The following CTNNA2 variants were observed in gnomAD, a reference collection of about 807,000 sequenced individuals.
The protein encoded by CTNNA2 is catenin alpha-2.
In CTNNA2, 42 loss-of-function variants were observed where a neutral mutation model predicts 101.0. The ratio of observed to expected loss-of-function variants is 0.42; its 90% confidence interval spans 0.32 to 0.54. CTNNA2 has a LOEUF of 0.54. CTNNA2 is among the 20% of genes least tolerant of loss of function. CTNNA2 has a pLI of 0.14. For synonymous variants in CTNNA2, 450 were observed against 456.4 expected, an observed-to-expected ratio of 0.99 and a Z score of 0.18; for missense variants, 871 against 1,223.1, an observed-to-expected ratio of 0.71 and a Z score of 4.29.
At chr2:79,785,828 A>G (rs1380018756) in intron 3 of CTNNA2, among the ~76,000 whole-genome samples, 1 of 152,196 alleles carries the variant, frequency 6.6e-6, no homozygotes, top group Non-Finnish European at 1.5e-5. Flanking sequence ...AGTACTTACT[A>G]GATCCTATGA....
intron 17 of CTNNA2, among the ~76,000 whole-genome samples, chr2:80,610,415 T>A (rs62151985): frequency 0.014 from 2,052 of 151,804 alleles, 18 homozygotes; most frequent in Non-Finnish European, 0.023. Flanking sequence ...TTACACCCAT[T>A]TATTCTGTCA....
At chr2:80,254,059 T>C (rs1292014295) in intron 7 of CTNNA2, among the ~76,000 whole-genome samples, 2 of 152,158 alleles carry the variant, frequency 1.3e-5, no homozygotes, top group African/African-American at 4.8e-5. Context: ...TGAATTCAAA[T>C]CCTAGGCCTC....
At chr2:79,420,427 AG>A in intron 4 of CTNNA2, among the ~76,000 whole-genome samples, 1 of 152,314 alleles carries the variant, frequency 6.6e-6, no homozygotes, top group Non-Finnish European at 1.5e-5. Context: ...ATATAATAAA[AG>A]GCAAAACAAC....
intron 1 of CTNNA2, among the ~76,000 whole-genome samples, chr2:79,571,133 T>C (rs1400921460): frequency 2.0e-5 from 3 of 152,218 alleles, no homozygotes; most frequent in Non-Finnish European, 2.9e-5. Context: ...TTATGCATCA[T>C]AGTATGCTAC....
At chr2:79,880,289 G>T (rs1203048424) in intron 6 of CTNNA2, among the ~76,000 whole-genome samples, 1 of 151,914 alleles carries the variant, frequency 6.6e-6, no homozygotes, top group African/African-American at 2.4e-5. Context: ...CTTTTTTATT[G>T]CATCTCTTCT....
intron 7 of CTNNA2, among the ~76,000 whole-genome samples, chr2:79,958,514 G>C: frequency 6.6e-6 from 1 of 152,140 alleles, no homozygotes; most frequent in East Asian, 1.9e-4. Flanking sequence ...CTTGAAGATG[G>C]AGGAAGGGAC....
chr2:79,651,533 A>C lies in CTNNA2; in HGVS notation c.-5-19A>C. The C allele has an allele frequency of 3.8e-6, 6 of 1,596,048 alleles. No homozygotes were observed. The highest frequency in any genetic ancestry group is 5.2e-6 in the Non-Finnish European group (6 of 1,163,976). ...TTTCAAAGATGATTATTTCTAACTG[A>C]TTACATGTGTTCCCATAGGGAGCAT... On this transcript the variant is annotated intron_variant, in intron 1 of 18. Coordinates refer to ENST00000402739, the MANE Select transcript of CTNNA2 (RefSeq NM_001282597.3).
chr2:80,641,842 T>A (rs1031256652), intron 18 of CTNNA2, among the ~76,000 whole-genome samples: 1 of 152,142 alleles, frequency 6.6e-6, no homozygotes, highest in African/African-American at 2.4e-5. Context: ...AATTTTTTGG[T>A]AAATTTATTG....
At chr2:79,865,871 C>A (rs1405086256) in intron 4 of CTNNA2, among the ~76,000 whole-genome samples, 2 of 152,210 alleles carry the variant, frequency 1.3e-5, no homozygotes, top group Non-Finnish European at 2.9e-5. Flanking sequence ...AGGCACCCAC[C>A]ACCACGCCTG....
At chr2:79,934,725 G>A (rs1305204655) in intron 7 of CTNNA2, among the ~76,000 whole-genome samples, 1 of 152,206 alleles carries the variant, frequency 6.6e-6, no homozygotes, top group African/African-American at 2.4e-5. Context: ...GGGGAACAAG[G>A]TGAGCTCTTC....
chr2:80,125,992 A>G (rs911485231), intron 7 of CTNNA2, among the ~76,000 whole-genome samples: 2 of 152,184 alleles, frequency 1.3e-5, no homozygotes, highest in African/African-American at 2.4e-5. Flanking sequence ...GCTTAGTACT[A>G]TAACTCGCAC....
intron 1 of CTNNA2, among the ~76,000 whole-genome samples, chr2:79,559,303 G>A (rs1256794843): frequency 1.3e-5 from 2 of 151,880 alleles, no homozygotes; most frequent in Admixed American, 6.6e-5. Flanking sequence ...TCACTTGGGA[G>A]CTTTTCAGTA....
intron 3 of CTNNA2, among the ~76,000 whole-genome samples, chr2:79,332,635 G>T (rs1676900760): frequency 1.3e-5 from 2 of 152,152 alleles, no homozygotes; most frequent in South Asian, 4.1e-4. Context: ...AAAATGGTCA[G>T]CAATCCTACA....
chr2:80,411,228 T>C (rs1573975593), intron 8 of CTNNA2, among the ~76,000 whole-genome samples: 1 of 152,216 alleles, frequency 6.6e-6, no homozygotes, highest in South Asian at 2.1e-4. Flanking sequence ...TTAGAGCAAG[T>C]ATAATTCATC....
chr2:79,491,275 A>G (rs1486068629), intron 4 of CTNNA2, among the ~76,000 whole-genome samples: 2 of 152,166 alleles, frequency 1.3e-5, no homozygotes, highest in South Asian at 2.1e-4. Context: ...AGGGGGCTCA[A>G]TGTGGCAGTC....
At chr2:79,846,563 A>G (rs1268988414) in intron 3 of CTNNA2, among the ~76,000 whole-genome samples, 1 of 152,206 alleles carries the variant, frequency 6.6e-6, no homozygotes, top group African/African-American at 2.4e-5. Context: ...GGCTTCAACT[A>G]TATGGACTAA....
At chr2:80,338,477 G>A (rs1160362061) in intron 7 of CTNNA2, among the ~76,000 whole-genome samples, 1 of 152,152 alleles carries the variant, frequency 6.6e-6, no homozygotes, top group African/African-American at 2.4e-5. Context: ...TGAGGAATGG[G>A]AGAGCAGTAC....
chr2:80,152,806 C>A lies in CTNNA2; in HGVS notation c.1057-240405C>A, dbSNP rs557654866. ...ATGGGACATTTGTATCTGTGCAAGC[C>A]ACAACTTAGGCCTTAGCTCCTCTCC... On this transcript the variant is annotated intron_variant, in intron 7 of 18. Transcript: ENST00000402739. Among the ~76,000 whole-genome samples, 24 of 152,152 alleles carry A rather than the reference C, an allele frequency of 1.6e-4. 1 individual carries two copies. The highest frequency in any genetic ancestry group is 5.3e-4 in the African/African-American group (22 of 41,522).
chr2:79,268,529 AG>A (rs1675017801), intron 2 of CTNNA2, among the ~76,000 whole-genome samples: 1 of 152,154 alleles, frequency 6.6e-6, no homozygotes, highest in Non-Finnish European at 1.5e-5. Flanking sequence ...ATAACTCAAG[AG>A]GGGGTGAGGG....
Sources: gnomAD v4.1 joint callset for allele counts (sites outside exome capture counted in the v4.1 genomes callset) on GRCh38, gnomAD v4.1.1 for gene constraint, MANE v1.5 for transcripts, NCBI Gene and HGNC (gene_info 2026-07-23, HGNC 2026-07-21) for gene names.